UBE2O: variants seen among roughly 807,000 people sequenced by gnomAD.
UBE2O encodes the protein (E3-independent) E2 ubiquitin-conjugating enzyme.
Under a neutral mutation model 125.8 loss-of-function variants are expected in UBE2O, and 15 were observed. The observed-to-expected ratio is 0.12, with a 90% confidence interval of 0.08 to 0.18. The LOEUF (loss-of-function observed/expected upper bound fraction) is 0.18, where lower values mean the gene tolerates loss of function less well. UBE2O is among the 10% of genes least tolerant of loss of function. The probability of loss-of-function intolerance (pLI) is 1.00; values close to 1 mark genes in which losing one functional copy is unlikely to be tolerated. For missense variants in UBE2O, 1,280 were observed against 1,723.6 expected (o/e 0.74, Z 4.56); for synonymous variants, 708 against 703.2 (o/e 1.01, Z -0.11).
At position 76,423,314 on chromosome 17, in the gene UBE2O, C is replaced by T. The variant is rs557849575; in HGVS notation, c.418-17742G>A. 2.0e-5 allele frequency among the ~76,000 whole-genome samples: 3 copies of T among 152,216 alleles called. No individual in the cohort carries two copies. The East Asian group carries it at 5.8e-4, about 29-fold the overall frequency. On this transcript the variant is annotated intron_variant, in intron 1 of 17. Coordinates refer to ENST00000319380, the MANE Select transcript of UBE2O (RefSeq NM_022066.4). ...GGATTGCTTAAGCCCAGGAATTCGA[C>T]GCTGCAGTGAGCCCTGATTGTGCCA...
rs1257171082 is a variant in UBE2O at position 76,398,068 on chromosome 17, A to T, written c.2026-180T>A. On this transcript the variant is annotated intron_variant, in intron 12 of 17. Transcript: ENST00000319380. This position sits in a 1 kb window ranked among gnomAD's most constrained non-coding sequence, Gnocchi z 5.4. The stretch of plus-strand genomic sequence containing the variant: ...CTGACCCCAGAAGGGAGGCAGGGAA[A>T]CAAGTCCTTCTGCAGCTGCTAGTGC... Among the ~76,000 whole-genome samples, 1 of 152,228 alleles carries T rather than the reference A, an allele frequency of 6.6e-6. No homozygotes were observed. The highest frequency in any genetic ancestry group is 1.5e-5 in the Non-Finnish European group (1 of 68,038).
chr17:76,405,416 G>T lies in UBE2O; in HGVS notation c.477+97C>A, dbSNP rs1166044238. The T allele has an allele frequency of 6.6e-7, 1 of 1,508,760 alleles. No individual in the cohort carries two copies. The highest frequency in any genetic ancestry group is 1.4e-5 in the African/African-American group (1 of 73,188). The allele number at this position is 1,508,760 out of a possible 1,614,324, so 93.5% of individuals were successfully genotyped here. ...CCCCAGCGCACCCCCTGCAGAGCTG[G>T]CCAGTTCTCCCACATGCAGAGTGCG... On this transcript the variant is annotated intron_variant, in intron 2 of 17. Coordinates refer to ENST00000319380, the MANE Select transcript of UBE2O (RefSeq NM_022066.4). This position sits in a 1 kb window ranked among gnomAD's most constrained non-coding sequence, Gnocchi z 6.1.
Position 76,425,020 on chromosome 17 carries a change from G to A in UBE2O, c.418-19448C>T, listed in dbSNP as rs550137122. On this transcript the variant is annotated intron_variant, in intron 1 of 17. Transcript: ENST00000319380. The stretch of plus-strand genomic sequence containing the variant: ...CGAGTAGCTGGGACTACAGGCACCC[G>A]CCACCACGCCCAGCTAACTTTTTTG... Among the ~76,000 whole-genome samples the A allele has an allele frequency of 6.0e-5, 9 of 151,066 alleles. No homozygotes were observed. In the South Asian group the frequency reaches 6.3e-4, roughly 11 times the overall value.
intron 1 of UBE2O, among the ~76,000 whole-genome samples, chr17:76,423,762 G>T (rs1366394474): frequency 6.6e-6 from 1 of 150,540 alleles, no homozygotes; most frequent in Non-Finnish European, 1.5e-5. Flanking sequence ...CCAAGGGAGA[G>T]CCTGAAGATT....
rs1025361828 is a variant in UBE2O, at chr17:76,390,883, G to C, written c.*60C>G. The C allele has an allele frequency of 1.1e-5, 17 of 1,505,842 alleles. No individual in the cohort carries two copies. Among genetic ancestry groups the C allele is most frequent in the Admixed American group, 3.9e-5 (2 of 50,748 alleles). The allele number at this position is 1,505,842 out of a possible 1,614,324, so 93.3% of individuals were successfully genotyped here. ...TGGGAAGAGGGGTGATTCCGGGGGG[G>C]AGTGAGCAGGCGGCGGCTGGCCTCT... On this transcript the variant is annotated 3_prime_UTR_variant, in exon 18 of 18. Transcript: ENST00000319380.
In UBE2O at chr17:76,404,504, T is replaced by C. The variant is rs1381336913; in HGVS notation, c.588+702A>G. Among the ~76,000 whole-genome samples, 1 of 152,212 alleles carries C rather than the reference T, an allele frequency of 6.6e-6. No homozygotes were observed. Among genetic ancestry groups the C allele is most frequent in the Non-Finnish European group, 1.5e-5 (1 of 68,032 alleles). ...CCAGATTGGAGAGAAAATGAAGAGA[T>C]GACAACTCAATGCAAGATGTGTTCC... On this transcript the variant is annotated intron_variant, in intron 3 of 17. Transcript: ENST00000319380. This position sits in a 1 kb window ranked among gnomAD's most constrained non-coding sequence, Gnocchi z 4.3.
At position 76,399,467 on chromosome 17, in the gene UBE2O, T is replaced by C; in HGVS notation, c.1610A>G (p.Asp537Gly). The C allele has an allele frequency of 1.9e-6, 3 of 1,613,920 alleles. No individual in the cohort carries two copies. The highest frequency in any genetic ancestry group is 2.5e-6 in the Non-Finnish European group (3 of 1,179,862). The stretch of plus-strand genomic sequence containing the variant: ...AGTTTACCTGTCCCCTGGCTTGAAG[T>C]CTCGAGTGATTTTATTCTTCTTCCT... ...HKRKKNKITR[D>G]FKPGDRVAVE... The change falls in exon 9 of 18, where the codon GAC (aspartate) becomes GGC (glycine). Residue 537 changes from aspartate (D) to glycine (G), a missense_variant. Around this residue, in one of 10 missense-constraint regions of UBE2O, gnomAD observed 145 missense variants for 219.6 expected, o/e 0.66. Coordinates refer to ENST00000319380, the MANE Select transcript of UBE2O (RefSeq NM_022066.4). The surrounding 1 kb of genome is among the most constrained non-coding windows in gnomAD (Gnocchi z 6.9).
intron 1 of UBE2O, among the ~76,000 whole-genome samples, chr17:76,432,137 G>A (rs1299844069): frequency 1.3e-5 from 2 of 152,196 alleles, no homozygotes; most frequent in Non-Finnish European, 2.9e-5. Flanking sequence ...TGGAGAATCT[G>A]TGAGGCAGCA....
chr17:76,406,232 G>A (rs564653914), intron 1 of UBE2O, among the ~76,000 whole-genome samples: 51 of 152,186 alleles, frequency 3.4e-4, no homozygotes, highest in Non-Finnish European at 6.3e-4. Context: ...AGCTGGCAGC[G>A]GCCACTGCCT....
chr17:76,396,941 G>A lies in UBE2O; in HGVS notation c.2116-120C>T. The A allele has an allele frequency of 2.4e-6, 2 of 839,072 alleles. No homozygotes were observed. Among genetic ancestry groups the A allele is most frequent in the South Asian group, 1.8e-5 (1 of 56,564 alleles). The allele number at this position is 839,072 out of a possible 1,614,324, so 52.0% of individuals were successfully genotyped here. A position where few individuals can be genotyped will look rare whatever the true frequency, so the allele number is the denominator to read the frequency against. On this transcript the variant is annotated intron_variant, in intron 13 of 17. Coordinates refer to ENST00000319380, the MANE Select transcript of UBE2O (RefSeq NM_022066.4). This position sits in a 1 kb window ranked among gnomAD's most constrained non-coding sequence, Gnocchi z 6.7. ...ATGGCGACTGGGCTCATGAGGCCTT[G>A]GCAACCTCATTCCACCCTTTCCCTG...
chr17:76,394,434 G>GA (rs1311277067), intron 15 of UBE2O, among the ~76,000 whole-genome samples: 1 of 152,172 alleles, frequency 6.6e-6, no homozygotes, highest in Non-Finnish European at 1.5e-5. Context: ...ACGAACAGAG[G>GA]AGTGGGAAAA....
intron 5 of UBE2O, 198 bp downstream of exon 5, chr17:76,401,864 ACT>A (rs1322290944): frequency 4.9e-6 from 2 of 410,044 alleles, no homozygotes; most frequent in African/African-American, 2.5e-5. Flanking sequence ...CGACAGTGAG[ACT>A]CTGTCTCAAA....
chr17:76,407,239 T>A (rs564790762), intron 1 of UBE2O, among the ~76,000 whole-genome samples: 2 of 152,218 alleles, frequency 1.3e-5, no homozygotes, highest in Non-Finnish European at 2.9e-5. Flanking sequence ...AGCTGCAGGG[T>A]GAAGACCCCT....
At chr17:76,425,961 C>G (rs2072804092) in intron 1 of UBE2O, among the ~76,000 whole-genome samples, 1 of 152,156 alleles carries the variant, frequency 6.6e-6, no homozygotes, top group South Asian at 2.1e-4. Flanking sequence ...ACAACTCCTT[C>G]TATCTCCTCC....
Position 76,391,702 on chromosome 17 carries a change from A to T in UBE2O, c.3208+54T>A. The T allele has an allele frequency of 6.2e-7, 1 of 1,609,214 alleles. No homozygotes were observed. Among genetic ancestry groups the T allele is most frequent in the Non-Finnish European group, 8.5e-7 (1 of 1,177,050 alleles). Reference sequence around the variant, plus strand: ...ACCTGCCAGGGGGACTATCAGAGTCACTTTCCTCCACCGGCCCTCCCTTGT... The same window carrying T: ...ACCTGCCAGGGGGACTATCAGAGTCTCTTTCCTCCACCGGCCCTCCCTTGT... On this transcript the variant is annotated intron_variant, in intron 17 of 17. Coordinates refer to ENST00000319380, the MANE Select transcript of UBE2O (RefSeq NM_022066.4). The surrounding 1 kb of genome is among the most constrained non-coding windows in gnomAD (Gnocchi z 8.4).
rs922554865 is a variant in UBE2O at position 76,391,045 on chromosome 17, G to A, written c.3777C>T (p.Phe1259=). The A allele has an allele frequency of 6.2e-7, 1 of 1,614,034 alleles. No homozygotes were observed. The highest frequency in any genetic ancestry group is 1.3e-5 in the African/African-American group (1 of 75,080). ...SGYPDIGFPL[F]PLSKGFIKSI... The stretch of plus-strand genomic sequence containing the variant: ...TCTTGATGAAACCCTTGGAAAGTGG[G>A]AAGAGGGGGAAGCCGATGTCAGGGT... Residue 1259 remains phenylalanine (F), a synonymous_variant, in exon 18 of 18, where the codon TTC becomes TTT. Transcript: ENST00000319380. The surrounding 1 kb of genome is among the most constrained non-coding windows in gnomAD (Gnocchi z 8.4).
At chr17:76,408,320 G>A (rs1031832650) in intron 1 of UBE2O, among the ~76,000 whole-genome samples, 1 of 152,186 alleles carries the variant, frequency 6.6e-6, no homozygotes, top group African/African-American at 2.4e-5. Flanking sequence ...AGTTCTCCAA[G>A]CGTTTCACTG....
In UBE2O at chr17:76,400,340, G is replaced by C. The variant is rs3809691; in HGVS notation, c.1005-43C>G. The C allele has an allele frequency of 0.25, 393,376 of 1,605,258 alleles. 52,476 individuals carry two copies. The highest frequency in any genetic ancestry group is 0.52 in the East Asian group (23,194 of 44,678). On this transcript the variant is annotated intron_variant, in intron 7 of 17. Transcript: ENST00000319380. The surrounding 1 kb of genome is among the most constrained non-coding windows in gnomAD (Gnocchi z 4.3). Reference sequence around the variant, plus strand: ...GGGGGTGAGCTGGGCTGGACTCCTGGGAGGCCAGCAGTGTTCTTAAGCCTC... The same window carrying C: ...GGGGGTGAGCTGGGCTGGACTCCTGCGAGGCCAGCAGTGTTCTTAAGCCTC...
At chr17:76,430,700 C>A in intron 1 of UBE2O, 2 of 281,398 alleles carry the variant, frequency 7.1e-6, no homozygotes, top group South Asian at 3.2e-5. Context: ...GATTTGGGTT[C>A]CCCTTGTAAT....
Sources: allele counts gnomAD v4.1 joint callset (sites outside exome capture counted in the v4.1 genomes callset), GRCh38; gene constraint gnomAD v4.1.1; regional missense constraint gnomAD v4.1.1; non-coding constraint Gnocchi (gnomAD v3.1); transcripts MANE v1.5; gene names NCBI Gene and HGNC (gene_info 2026-07-23, HGNC 2026-07-21).